Variants in DNAI4 observed in about 807,000 individuals in gnomAD.
DNAI4 encodes WD repeat domain 78.
A neutral mutation model predicts 105.8 loss-of-function variants in DNAI4; 85 were observed. The observed-to-expected ratio is 0.80, with a 90% CI of 0.67 to 0.96. The LOEUF is 0.96. Among genes scored for constraint, DNAI4 ranks in the 40% least tolerant of loss-of-function variants. The pLI is 0.00. For synonymous variants in DNAI4, 352 were observed against 331.5 expected, an observed-to-expected ratio of 1.06 and a Z score of -0.67; for missense variants, 1,014 against 1,005.6, an observed-to-expected ratio of 1.01 and a Z score of -0.11.
chr1:66,827,789 C>T, intron 14 of DNAI4, 23 bp downstream of exon 14: 1 of 1,358,392 alleles, frequency 7.4e-7, no homozygotes, highest in Middle Eastern at 2.3e-4. Flanking sequence ...ATAAATGTTC[C>T]AACCTACTAT....
intron 4 of DNAI4, 41 bp from the exon 5 acceptor site, chr1:66,874,978 AT>A (rs1431723909): frequency 5.8e-6 from 9 of 1,539,356 alleles, no homozygotes; most frequent in Non-Finnish European, 7.9e-6. Flanking sequence ...ACTAATTGCT[AT>A]TTTTAATTTG....
chr1:66,883,402 C>T (rs987394534), intron 4 of DNAI4, among the ~76,000 whole-genome samples: 2 of 151,878 alleles, frequency 1.3e-5, no homozygotes, highest in East Asian at 1.9e-4. Flanking sequence ...TTCAGCTTCC[C>T]GAGTAGCTGG....
intron 8 of DNAI4, among the ~76,000 whole-genome samples, chr1:66,843,966 A>T (rs1329092940): frequency 6.6e-6 from 1 of 151,790 alleles, no homozygotes; most frequent in Non-Finnish European, 1.5e-5. Flanking sequence ...ATGTGAAATC[A>T]ATGATCCAAT....
At chr1:66,915,133 T>A (rs151080012) in intron 1 of DNAI4, among the ~76,000 whole-genome samples, 1 of 152,228 alleles carries the variant, frequency 6.6e-6, no homozygotes, top group Non-Finnish European at 1.5e-5. Context: ...TGCTCTGTAA[T>A]CTTTAATAAA....
chr1:66,827,090 C>A (rs1387027657), intron 14 of DNAI4, 44 bp from the exon 15 acceptor site: 1 of 1,486,904 alleles, frequency 6.7e-7, no homozygotes, highest in Non-Finnish European at 9.1e-7. Context: ...TATTTAACAT[C>A]TTTTATTTTA....
chr1:66,863,751 C>A (rs1322395744), intron 6 of DNAI4, among the ~76,000 whole-genome samples: 1 of 152,136 alleles, frequency 6.6e-6, no homozygotes, highest in African/African-American at 2.4e-5. Flanking sequence ...AGCCACCATG[C>A]CTGGCCTCAA....
intron 14 of DNAI4, among the ~76,000 whole-genome samples, chr1:66,827,413 G>A (rs1645777935): frequency 6.6e-6 from 1 of 152,062 alleles, no homozygotes; most frequent in Non-Finnish European, 1.5e-5. Flanking sequence ...CTGCTTTAGA[G>A]GCTAAAGTGG....
intron 15 of DNAI4, among the ~76,000 whole-genome samples, chr1:66,822,891 G>A (rs955714267): frequency 6.6e-6 from 1 of 151,200 alleles, no homozygotes; most frequent in Non-Finnish European, 1.5e-5. Context: ...ACTAGAATTT[G>A]TTTTTTTTGT....
chr1:66,882,508 T>A (rs1322824363), intron 4 of DNAI4, among the ~76,000 whole-genome samples: 1 of 145,982 alleles, frequency 6.9e-6, no homozygotes, highest in Non-Finnish European at 1.5e-5. Flanking sequence ...TCTGTGTCTA[T>A]GCTCTCTCTC....
At chr1:66,874,996 T>A in intron 4 of DNAI4, 59 bp from the exon 5 acceptor site, 1 of 1,465,626 alleles carries the variant, frequency 6.8e-7, no homozygotes, top group South Asian at 1.3e-5. Context: ...TTTGCATTTT[T>A]CCTTCTAGTC....
intron 14 of DNAI4, among the ~76,000 whole-genome samples, chr1:66,827,510 T>A (rs547218461): frequency 1.8e-4 from 28 of 151,856 alleles, no homozygotes; most frequent in African/African-American, 6.5e-4. Context: ...TTAAAAAAAA[T>A]AAGCTATAGA....
intron 6 of DNAI4, among the ~76,000 whole-genome samples, chr1:66,869,705 G>C (rs1374621238): frequency 6.6e-6 from 1 of 152,144 alleles, no homozygotes; most frequent in Non-Finnish European, 1.5e-5. Context: ...TGTTTAGATT[G>C]GCTGATACAG....
intron 3 of DNAI4, among the ~76,000 whole-genome samples, chr1:66,891,898 CTTT>C (rs1222226218): frequency 6.6e-6 from 1 of 152,176 alleles, no homozygotes; most frequent in Non-Finnish European, 1.5e-5. Context: ...TCTTCCTTTA[CTTT>C]TTTTCTTTTT....
At chr1:66,868,122 T>C (rs1452839154) in intron 6 of DNAI4, among the ~76,000 whole-genome samples, 1 of 152,212 alleles carries the variant, frequency 6.6e-6, no homozygotes, top group Non-Finnish European at 1.5e-5. Context: ...TATTTAATAA[T>C]CTTTATACTC....
intron 9 of DNAI4, among the ~76,000 whole-genome samples, chr1:66,838,916 A>G (rs1336442895): frequency 6.6e-6 from 1 of 152,206 alleles, no homozygotes; most frequent in Non-Finnish European, 1.5e-5. Context: ...CTTCATTATT[A>G]CTGTATCTCT....
chr1:66,833,445 C>A, intron 13 of DNAI4, 140 bp downstream of exon 13: 1 of 989,714 alleles, frequency 1.0e-6, no homozygotes. Context: ...CCCAGGCAAT[C>A]ATTTATCTAC....
In DNAI4 at chr1:66,836,256, G is replaced by GA. The variant is rs1257359727; in HGVS notation, c.1582-480dup. Among the ~76,000 whole-genome samples the GA allele has an allele frequency of 2.8e-4, 4 of 14,128 alleles. No individual in the cohort carries two copies. In the East Asian group the frequency reaches 0.021, roughly 73 times the overall value. The allele number at this position is 14,128 out of a possible 152,430, so 9.3% of individuals were successfully genotyped here. On this transcript the variant is annotated intron_variant, in intron 10 of 16. Transcript: ENST00000371026. ...AGAGAAAGAAAGAAAGAGAGAGAGAGAAAGAAAGAAAGAAAGAAAGAAAGA... is the reference window on the plus strand; with the variant it reads ...AGAGAAAGAAAGAAAGAGAGAGAGAGAAAAGAAAGAAAGAAAGAAAGAAAGA...
intron 5 of DNAI4, among the ~76,000 whole-genome samples, chr1:66,874,385 T>C (rs1315705308): frequency 6.6e-6 from 1 of 152,150 alleles, no homozygotes; most frequent in African/African-American, 2.4e-5. Context: ...GCAAAAGTAA[T>C]TGCGGTTTGG....
intron 15 of DNAI4, among the ~76,000 whole-genome samples, chr1:66,825,266 G>C (rs146137780): frequency 7.2e-6 from 1 of 139,794 alleles, no homozygotes; most frequent in African/African-American, 2.7e-5. Context: ...TGCAAGCTCC[G>C]CTTCCCGGGT....
Sources: gnomAD v4.1 joint callset for allele counts (sites outside exome capture counted in the v4.1 genomes callset) on GRCh38, gnomAD v4.1.1 for gene constraint, MANE v1.5 for transcripts, NCBI Gene and HGNC (gene_info 2026-07-23, HGNC 2026-07-21) for gene names.